The following PARG variants were observed in gnomAD, a reference collection of about 807,000 sequenced individuals.
PARG encodes poly(ADP-ribose) glycohydrolase.
Under a neutral mutation model 113.0 loss-of-function variants are expected in PARG, and 35 were observed. The ratio of observed to expected loss-of-function variants is 0.31; its 90% CI spans 0.24 to 0.41. The LOEUF is 0.41. PARG is among the 10% of genes least tolerant of loss of function. The pLI is 1.00. For missense variants in PARG, 797 were observed against 1,169.4 expected (o/e 0.68, Z 4.64); for synonymous variants, 330 against 409.9 (o/e 0.81, Z 2.36).
chr10:49,868,474 T>C (rs1846628796), intron 10 of PARG, among the ~76,000 whole-genome samples: 2 of 152,190 alleles, frequency 1.3e-5, no homozygotes, highest in African/African-American at 4.8e-5. Flanking sequence ...ATCCTGATAA[T>C]TGATTTCATT....
chr10:49,920,408 C>T (rs1837731725), intron 6 of PARG, among the ~76,000 whole-genome samples: 1 of 143,444 alleles, frequency 7.0e-6, no homozygotes, highest in African/African-American at 2.6e-5. Flanking sequence ...GATCACCCCA[C>T]TGCACTCCAC....
intron 7 of PARG, among the ~76,000 whole-genome samples, chr10:49,898,795 C>CA (rs1274116046): frequency 1.3e-5 from 2 of 151,490 alleles, no homozygotes; most frequent in Non-Finnish European, 2.9e-5. Flanking sequence ...CTTATCCAAC[C>CA]TTTTGATCTT....
chr10:49,915,967 C>T lies in PARG; in HGVS notation c.1687G>A (p.Ala563Thr), dbSNP rs782410847. The change falls in exon 7 of 18, where the codon GCA becomes ACA. Residue 563 changes from alanine (A) to threonine (T), a missense_variant. This residue lies in a region of PARG where 252 missense variants were observed against 437.4 expected (regional missense o/e 0.58). Transcript: ENST00000616448. ...LKDAILKYNV[A>T]YSKKWDFTAL... Reference sequence around the variant, plus strand: ...GTAAAGTCCCATTTCTTAGAATATGCCACATTGTATTTCAGAATAGCATCC... The same window carrying T: ...GTAAAGTCCCATTTCTTAGAATATGTCACATTGTATTTCAGAATAGCATCC... 167 of 1,542,066 alleles carry T rather than the reference C, an allele frequency of 1.1e-4. No individual in the cohort carries two copies. Among genetic ancestry groups the T allele is most frequent in the Non-Finnish European group, 1.4e-4 (157 of 1,137,888 alleles).
intron 7 of PARG, among the ~76,000 whole-genome samples, chr10:49,900,991 T>C (rs1848323987): frequency 1.3e-5 from 2 of 152,214 alleles, no homozygotes; most frequent in East Asian, 3.8e-4. Flanking sequence ...AAAATGGATG[T>C]AATTTGTCCA....
intron 7 of PARG, among the ~76,000 whole-genome samples, chr10:49,891,604 T>A (rs1401934347): frequency 7.7e-5 from 3 of 39,110 alleles, no homozygotes; most frequent in Admixed American, 2.2e-4. Context: ...TATATATATA[T>A]ATATATATAT....
At chr10:49,905,774 T>C (rs1282482959) in intron 7 of PARG, among the ~76,000 whole-genome samples, 56 of 151,412 alleles carry the variant, frequency 3.7e-4, no homozygotes, top group African/African-American at 1.3e-3. Context: ...GAAAGCACAG[T>C]AGGAATAAGG....
rs556041234 is a variant in PARG at position 49,916,163 on chromosome 10, A to T, written c.1663-172T>A. Among the ~76,000 whole-genome samples the T allele has an allele frequency of 8.5e-4, 130 of 152,256 alleles. 1 individual carries two copies. Among genetic ancestry groups the T allele is most frequent in the African/African-American group, 2.9e-3 (119 of 41,536 alleles). Reference sequence around the variant, plus strand: ...CAGTAGCTACAGACAAACAGAATGAATACTAATTTATTACTCACTTAAAAA... The same window carrying T: ...CAGTAGCTACAGACAAACAGAATGATTACTAATTTATTACTCACTTAAAAA... On this transcript the variant is annotated intron_variant, in intron 6 of 17. Transcript: ENST00000616448.
intron 6 of PARG, among the ~76,000 whole-genome samples, chr10:49,920,463 A>ATATATAT (rs1554848910): frequency 3.5e-4 from 17 of 47,952 alleles, no homozygotes; most frequent in Non-Finnish European, 5.7e-4. Flanking sequence ...AAAAAAAAAA[A>ATATATAT]ATATATATAT....
rs533330668 is a variant in PARG at position 49,818,474 on chromosome 10, G to T, written c.*866C>A. On this transcript the variant is annotated 3_prime_UTR_variant, in exon 18 of 18. Transcript: ENST00000616448. ...AACTTCAATATGTACAAATCAGCAT[G>T]AAGTTCCCAGTTCTCAAACTTTGGT... 4.8e-4 allele frequency: 73 copies of T among 152,638 alleles called. 1 individual carries two copies. The highest frequency in any genetic ancestry group is 1.7e-3 in the African/African-American group (71 of 41,538). 9.5% of individuals were successfully genotyped at this position (152,638 alleles called of 1,614,324 possible). A position where few individuals can be genotyped will look rare whatever the true frequency, so the allele number is the denominator to read the frequency against.
intron 1 of PARG, 148 bp downstream of exon 1, chr10:49,941,361 T>G: frequency 1.3e-6 from 1 of 752,926 alleles, no homozygotes; most frequent in Non-Finnish European, 2.3e-6. Context: ...ATTCACCCAC[T>G]AGTGGCTTTG....
intron 8 of PARG, 126 bp from the exon 9 acceptor site, chr10:49,879,956 C>T (rs1847136098): frequency 1.7e-6 from 1 of 588,314 alleles, no homozygotes. Flanking sequence ...TTCTTGAATC[C>T]TTAAATCAGC....
intron 16 of PARG, among the ~76,000 whole-genome samples, chr10:49,826,759 T>C (rs938573771): frequency 5.3e-5 from 8 of 152,174 alleles, no homozygotes; most frequent in African/African-American, 1.4e-4. Flanking sequence ...GTAATCCCAA[T>C]TGGTCAAATT....
At chr10:49,902,633 G>A (rs181755393) in intron 7 of PARG, among the ~76,000 whole-genome samples, 101 of 152,160 alleles carry the variant, frequency 6.6e-4, no homozygotes, top group Non-Finnish European at 1.1e-3. Flanking sequence ...TAAACACCAA[G>A]ACAAACAATA....
At chr10:49,837,727 T>A (rs1845014051) in intron 15 of PARG, among the ~76,000 whole-genome samples, 1 of 152,212 alleles carries the variant, frequency 6.6e-6, no homozygotes, top group Non-Finnish European at 1.5e-5. Context: ...AAAAAACTAA[T>A]TCCTTGTTAA....
chr10:49,929,465 C>G (rs1487169826), intron 4 of PARG, among the ~76,000 whole-genome samples: 1 of 152,182 alleles, frequency 6.6e-6, no homozygotes, highest in Non-Finnish European at 1.5e-5. Flanking sequence ...TTTAAAATAG[C>G]AGAATCCCTT....
intron 1 of PARG, among the ~76,000 whole-genome samples, chr10:49,937,681 A>G (rs1296282157): frequency 4.6e-4 from 70 of 152,152 alleles, no homozygotes; most frequent in Admixed American, 2.4e-3. Context: ...TCATTTCATG[A>G]AAAACCAGGA....
intron 7 of PARG, chr10:49,908,479 C>T (rs1462436992): frequency 6.6e-6 from 1 of 152,086 alleles, no homozygotes; most frequent in Non-Finnish European, 1.5e-5. Flanking sequence ...GACTGTGAGT[C>T]ACCAAGGGAA....
intron 8 of PARG, among the ~76,000 whole-genome samples, chr10:49,880,131 C>T (rs1342605819): frequency 6.6e-6 from 1 of 151,896 alleles, no homozygotes; most frequent in African/African-American, 2.4e-5. Context: ...AAACACATTG[C>T]CCATGTAATG....
chr10:49,904,919 A>AATAAATAT (rs1251955678), intron 7 of PARG, among the ~76,000 whole-genome samples: 2 of 150,170 alleles, frequency 1.3e-5, no homozygotes, highest in Non-Finnish European at 3.0e-5. Flanking sequence ...ACATCTCAAA[A>AATAAATAT]ATAAATAAAT....
Sources: allele counts gnomAD v4.1 joint callset (sites outside exome capture counted in the v4.1 genomes callset), GRCh38; gene constraint gnomAD v4.1.1; regional missense constraint gnomAD v4.1.1; transcripts MANE v1.5; gene names NCBI Gene and HGNC (gene_info 2026-07-23, HGNC 2026-07-21).